The following FHIT variants were observed in gnomAD, a reference collection of about 807,000 sequenced individuals.
The protein encoded by FHIT is bis(5'-adenosyl)-triphosphatase.
Under a neutral mutation model 17.9 loss-of-function variants are expected in FHIT, and 19 were observed. The ratio of observed to expected loss-of-function variants is 1.06; its 90% CI spans 0.74 to 1.56. The LOEUF is 1.56. FHIT is among the 40% of genes most tolerant of loss of function. The pLI is 0.00. For missense variants in FHIT, 248 were observed against 189.2 expected (o/e 1.31, Z -1.82); for synonymous variants, 81 against 69.7 (o/e 1.16, Z -0.81).
At chr3:60,863,375 T>C (rs576238738) in intron 3 of FHIT, among the ~76,000 whole-genome samples, 1 of 152,232 alleles carries the variant, frequency 6.6e-6, no homozygotes, top group Non-Finnish European at 1.5e-5. Flanking sequence ...GTGAGACATG[T>C]ATTGGGCTTC....
chr3:60,830,648 T>A (rs1012063801), intron 3 of FHIT, among the ~76,000 whole-genome samples: 2 of 152,224 alleles, frequency 1.3e-5, no homozygotes, highest in Non-Finnish European at 2.9e-5. Flanking sequence ...TTGGAAAAAC[T>A]ATTAGTCCTT....
intron 5 of FHIT, among the ~76,000 whole-genome samples, chr3:60,247,405 G>T (rs1256600474): frequency 6.6e-6 from 1 of 151,200 alleles, no homozygotes; most frequent in East Asian, 1.9e-4. Context: ...GAAGAAGAAA[G>T]AAAGAAGAAG....
At chr3:60,569,769 T>TTTTTTTTTG (rs1232418692) in intron 4 of FHIT, among the ~76,000 whole-genome samples, 1 of 83,962 alleles carries the variant, frequency 1.2e-5, no homozygotes, top group Non-Finnish European at 2.4e-5. Flanking sequence ...TTTTTTTTTT[T>TTTTTTTTTG]AGACAGAGTT....
chr3:60,309,068 G>A (rs888164819), intron 5 of FHIT, among the ~76,000 whole-genome samples: 2 of 152,172 alleles, frequency 1.3e-5, no homozygotes, highest in African/African-American at 4.8e-5. Flanking sequence ...ATTCATTAGA[G>A]TGATAATTGA....
chr3:60,914,540 C>T (rs1553766707), intron 3 of FHIT, among the ~76,000 whole-genome samples: 2 of 150,616 alleles, frequency 1.3e-5, no homozygotes, highest in African/African-American at 2.4e-5. Context: ...CAATGAAATA[C>T]ACACAAAGGA....
intron 2 of FHIT, among the ~76,000 whole-genome samples, chr3:61,150,948 C>T (rs2037369251): frequency 6.6e-6 from 1 of 152,170 alleles, no homozygotes; most frequent in African/African-American, 2.4e-5. Context: ...TCATGGAAAG[C>T]ATTTTTTTTA....
In FHIT at chr3:59,911,674, C is replaced by T. The variant is rs146681734; in HGVS notation, c.348+10672G>A. ...AAATACCTTGGCATCTCAGGAAGGA[C>T]AACAATTTGAACTACTATTGTAATA... is the stretch of plus-strand genomic sequence containing the variant. On this transcript the variant is annotated intron_variant, in intron 8 of 9. Transcript: ENST00000492590. Among the ~76,000 whole-genome samples the T allele has an allele frequency of 2.7e-3, 409 of 152,262 alleles. 1 individual carries two copies. Among genetic ancestry groups the T allele is most frequent in the African/African-American group, 9.2e-3 (384 of 41,560 alleles).
chr3:61,223,302 A>G (rs563494628), intron 1 of FHIT, among the ~76,000 whole-genome samples: 1 of 152,292 alleles, frequency 6.6e-6, no homozygotes, highest in African/African-American at 2.4e-5. Context: ...GTTTTCAAGG[A>G]CTGACCATGC....
At chr3:59,899,771 G>A (rs546104503) in intron 8 of FHIT, among the ~76,000 whole-genome samples, 10 of 152,222 alleles carry the variant, frequency 6.6e-5, no homozygotes, top group South Asian at 2.1e-4. Context: ...GCTTGAACCC[G>A]GGAGGCGGAG....
chr3:60,569,730 T>TATATATATATATATATATATAC lies in FHIT; in HGVS notation c.-17-32752_-17-32751insGTATATATATATATATATATAT, dbSNP rs1553654679. Among the ~76,000 whole-genome samples, 42 of 15,256 alleles carry TATATATATATATATATATATAC rather than the reference T, an allele frequency of 2.8e-3. 1 individual carries two copies. The highest frequency in any genetic ancestry group is 0.018 in the South Asian group (5 of 276). 10.0% of individuals were successfully genotyped at this position (15,256 alleles called of 152,430 possible). On this transcript the variant is annotated intron_variant, in intron 4 of 9. Coordinates refer to ENST00000492590, the MANE Select transcript of FHIT (RefSeq NM_002012.4). ...GAGATATTTATTTATTAATACTATA[T>TATATATATATATATATATATAC]ATATATATATATATATATATATATA...
At chr3:59,751,746 G>C (rs566509833) in intron 9 of FHIT, 19 of 233,854 alleles carry the variant, frequency 8.1e-5, no homozygotes, top group African/African-American at 3.3e-4. Flanking sequence ...AGCAACTGAA[G>C]AGAAGAGTCC....
At chr3:60,572,964 G>T (rs1396911364) in intron 4 of FHIT, among the ~76,000 whole-genome samples, 3 of 152,092 alleles carry the variant, frequency 2.0e-5, no homozygotes, top group African/African-American at 7.2e-5. Flanking sequence ...GTCCCTACAA[G>T]GTAGTTCCTA....
At chr3:59,973,042 G>T (rs1216086475) in intron 7 of FHIT, among the ~76,000 whole-genome samples, 1 of 152,050 alleles carries the variant, frequency 6.6e-6, no homozygotes, top group Non-Finnish European at 1.5e-5. Flanking sequence ...TAGACAGGGT[G>T]TGTCTCCCTC....
chr3:60,621,396 G>A (rs1284030718), intron 4 of FHIT, among the ~76,000 whole-genome samples: 4 of 151,856 alleles, frequency 2.6e-5, no homozygotes, highest in East Asian at 1.9e-4. Flanking sequence ...TGATCTGCCC[G>A]CCTCAGCCTC....
At chr3:60,027,131 ACACACACACACAC>A (rs1178908211) in intron 5 of FHIT, among the ~76,000 whole-genome samples, 3 of 132,142 alleles carry the variant, frequency 2.3e-5, no homozygotes, top group African/African-American at 9.2e-5. Context: ...ACACACACAC[ACACACACACACAC>A]ACACAAAATT....
At chr3:59,932,643 A>G (rs902898784) in intron 7 of FHIT, among the ~76,000 whole-genome samples, 4 of 152,164 alleles carry the variant, frequency 2.6e-5, no homozygotes, top group Non-Finnish European at 4.4e-5. Context: ...ATCAATTAAG[A>G]AAACAGGTGT....
chr3:60,602,304 G>A (rs1361345156), intron 4 of FHIT, among the ~76,000 whole-genome samples: 1 of 152,090 alleles, frequency 6.6e-6, no homozygotes, highest in Non-Finnish European at 1.5e-5. Flanking sequence ...TTACAATAGG[G>A]AAAAGAAAAT....
chr3:61,187,145 T>C (rs1308656786), intron 2 of FHIT, among the ~76,000 whole-genome samples: 2 of 152,302 alleles, frequency 1.3e-5, no homozygotes, highest in East Asian at 3.9e-4. Context: ...GGTGAGTGCA[T>C]ATTCATTCAC....
rs557432853 is a variant in FHIT, at chr3:59,748,563, C to T, written c.*1022G>A. Among the ~76,000 whole-genome samples, 10 of 150,516 alleles carry T rather than the reference C, an allele frequency of 6.6e-5. No individual in the cohort carries two copies. The highest frequency in any genetic ancestry group is 4.6e-4 in the Admixed American group (7 of 15,158). On this transcript the variant is annotated 3_prime_UTR_variant, in exon 10 of 10. Transcript: ENST00000492590. ...GCAGGTAAGGAAGAAGTCCAGCAGG[C>T]GAGGAGGTGGGAGGTCCTCAAGGCA...
Sources: gnomAD v4.1 joint callset for allele counts (sites outside exome capture counted in the v4.1 genomes callset) on GRCh38, gnomAD v4.1.1 for gene constraint, MANE v1.5 for transcripts, NCBI Gene and HGNC (gene_info 2026-07-23, HGNC 2026-07-21) for gene names.